Variants in PLCXD3 observed in about 807,000 individuals in gnomAD.
The protein encoded by PLCXD3 is PI-PLC X domain-containing protein 3.
A neutral mutation model predicts 25.5 loss-of-function variants in PLCXD3; 19 were observed. The observed-to-expected ratio is 0.75, with a 90% confidence interval of 0.52 to 1.09. PLCXD3 has a LOEUF of 1.09. Among genes scored for constraint, PLCXD3 ranks in the 50% least tolerant of loss-of-function variants. PLCXD3 has a pLI of 0.00. For synonymous variants in PLCXD3, 174 were observed against 137.6 expected (o/e 1.26, Z -1.85); for missense variants, 411 against 388.1 (o/e 1.06, Z -0.50).
chr5:41,307,552 T>C lies in PLCXD3; in HGVS notation c.*6065A>G, dbSNP rs1743032130. ...TATAATTTGCTTTGACGAGTCTCTC[T>C]GCCAGGTGATAGCTGCATGTCAGGG... On this transcript the variant is annotated 3_prime_UTR_variant, in exon 3 of 3. Transcript: ENST00000377801. The C allele has an allele frequency of 6.6e-6, 1 of 152,148 alleles. No individual in the cohort carries two copies. The highest frequency in any genetic ancestry group is 1.5e-5 in the Non-Finnish European group (1 of 68,040). The allele number at this position is 152,148 out of a possible 1,614,324, so 9.4% of individuals were successfully genotyped here. A position where few individuals can be genotyped will look rare whatever the true frequency, so the allele number is the denominator to read the frequency against.
intron 2 of PLCXD3, among the ~76,000 whole-genome samples, chr5:41,351,847 T>C (rs1220029670): frequency 6.6e-6 from 1 of 152,220 alleles, no homozygotes; most frequent in African/African-American, 2.4e-5. Flanking sequence ...CTAGCTTATA[T>C]TATTTTTCAA....
intron 2 of PLCXD3, among the ~76,000 whole-genome samples, chr5:41,328,328 G>A (rs1743692252): frequency 6.6e-6 from 1 of 152,138 alleles, no homozygotes; most frequent in Non-Finnish European, 1.5e-5. Flanking sequence ...GAGAGCTGGG[G>A]ATTAACACCT....
intron 1 of PLCXD3, among the ~76,000 whole-genome samples, chr5:41,411,142 AAC>A (rs1746508671): frequency 6.6e-6 from 1 of 152,200 alleles, no homozygotes; most frequent in Non-Finnish European, 1.5e-5. Flanking sequence ...CTGGCAAATA[AAC>A]AGTCTAATTA....
At chr5:41,374,539 A>G (rs1745229569) in intron 2 of PLCXD3, among the ~76,000 whole-genome samples, 1 of 152,180 alleles carries the variant, frequency 6.6e-6, no homozygotes, top group Non-Finnish European at 1.5e-5. Context: ...TACAATACAT[A>G]CAAACAGACA....
intron 2 of PLCXD3, among the ~76,000 whole-genome samples, chr5:41,358,211 A>G (rs1461111665): frequency 6.6e-6 from 1 of 152,216 alleles, no homozygotes; most frequent in Non-Finnish European, 1.5e-5. Flanking sequence ...CAGAGGGTTT[A>G]TGGAACTTGC....
intron 2 of PLCXD3, among the ~76,000 whole-genome samples, chr5:41,339,469 T>G (rs1022658073): frequency 3.9e-5 from 6 of 152,038 alleles, no homozygotes; most frequent in Non-Finnish European, 8.8e-5. Flanking sequence ...TTTCAAAAAT[T>G]GGAATCACTG....
chr5:41,505,212 TGTGA>T (rs965132747), intron 1 of PLCXD3, among the ~76,000 whole-genome samples: 1 of 151,912 alleles, frequency 6.6e-6, no homozygotes, highest in African/African-American at 2.4e-5. Flanking sequence ...GAGAGCTGTG[TGTGA>T]GTGTGTGTGC....
At chr5:41,400,722 G>A (rs183912083) in intron 1 of PLCXD3, among the ~76,000 whole-genome samples, 94 of 152,144 alleles carry the variant, frequency 6.2e-4, no homozygotes, top group South Asian at 2.3e-3. Context: ...AGGAGGTGGA[G>A]ATGGTTAATG....
rs1554041759 is a variant in PLCXD3, at chr5:41,312,685, T to TTCCTTCC, written c.*931_*932insGGAAGGA. 7.6e-5 allele frequency: 8 copies of TTCCTTCC among 104,678 alleles called. No homozygotes were observed. The highest frequency in any genetic ancestry group is 5.9e-4 in the East Asian group (2 of 3,362). 6.5% of individuals were successfully genotyped at this position (104,678 alleles called of 1,614,324 possible). On this transcript the variant is annotated 3_prime_UTR_variant, in exon 3 of 3. Coordinates refer to ENST00000377801, the MANE Select transcript of PLCXD3 (RefSeq NM_001005473.3). Reference sequence around the variant, plus strand: ...CTTCCTCCCTCCCTTCCTTTCTTCCTTTCCTTCCTTCCTTCCTTCCTTCCT... The same window carrying TTCCTTCC: ...CTTCCTCCCTCCCTTCCTTTCTTCCTTCCTTCCTTCCTTCCTTCCTTCCTTCCTTCCT...
intron 1 of PLCXD3, among the ~76,000 whole-genome samples, chr5:41,484,793 A>G (rs146136932): frequency 7.2e-5 from 11 of 152,314 alleles, no homozygotes; most frequent in African/African-American, 2.6e-4. Flanking sequence ...TCATGTTAAA[A>G]TATTGTTCTT....
intron 1 of PLCXD3, among the ~76,000 whole-genome samples, chr5:41,420,866 T>G (rs1746803705): frequency 6.6e-6 from 1 of 152,216 alleles, no homozygotes; most frequent in Admixed American, 6.5e-5. Flanking sequence ...TCTGGGCAGC[T>G]TCTCTCTGCA....
chr5:41,383,720 T>A (rs1745552170), intron 1 of PLCXD3, among the ~76,000 whole-genome samples: 1 of 152,034 alleles, frequency 6.6e-6, no homozygotes, highest in Admixed American at 6.6e-5. Context: ...TTCCCTTCCT[T>A]GAGGCATATC....
At chr5:41,483,560 T>C (rs1580395736) in intron 1 of PLCXD3, among the ~76,000 whole-genome samples, 2 of 152,306 alleles carry the variant, frequency 1.3e-5, no homozygotes, top group Non-Finnish European at 2.9e-5. Context: ...AATTTTTAAA[T>C]ATTATTGCTT....
intron 2 of PLCXD3, among the ~76,000 whole-genome samples, chr5:41,368,569 C>T (rs1745003806): frequency 6.6e-6 from 1 of 152,116 alleles, no homozygotes; most frequent in African/African-American, 2.4e-5. Flanking sequence ...CTTTCAAATA[C>T]TATGTTGAAT....
intron 2 of PLCXD3, among the ~76,000 whole-genome samples, chr5:41,365,460 C>A (rs931177111): frequency 3.9e-5 from 6 of 152,116 alleles, no homozygotes; most frequent in Non-Finnish European, 7.4e-5. Context: ...ATGTCTCATG[C>A]CATTCTCTAG....
intron 2 of PLCXD3, among the ~76,000 whole-genome samples, chr5:41,333,830 A>C (rs967163758): frequency 2.0e-5 from 3 of 152,150 alleles, no homozygotes; most frequent in African/African-American, 7.2e-5. Context: ...TAGGTGTAAA[A>C]CAGAAAGTAA....
chr5:41,313,994 C>T (rs534962901), intron 2 of PLCXD3, among the ~76,000 whole-genome samples: 2 of 152,242 alleles, frequency 1.3e-5, no homozygotes, highest in South Asian at 4.1e-4. Flanking sequence ...GTTCTCATCT[C>T]GGCAGATCCC....
chr5:41,498,902 A>G (rs1314854702), intron 1 of PLCXD3, among the ~76,000 whole-genome samples: 1 of 151,784 alleles, frequency 6.6e-6, no homozygotes, highest in Non-Finnish European at 1.5e-5. Flanking sequence ...AAGGATAAAA[A>G]TAACATGATC....
chr5:41,509,697 C>T (rs1167836529), intron 1 of PLCXD3, among the ~76,000 whole-genome samples: 1 of 152,248 alleles, frequency 6.6e-6, no homozygotes, highest in African/African-American at 2.4e-5. Context: ...AGTAAACATA[C>T]GGTCCGCAAG....
Sources: gnomAD v4.1 joint callset for allele counts (sites outside exome capture counted in the v4.1 genomes callset) on GRCh38, gnomAD v4.1.1 for gene constraint, MANE v1.5 for transcripts, NCBI Gene and HGNC (gene_info 2026-07-23, HGNC 2026-07-21) for gene names.